NLGN1: variants seen among roughly 807,000 people sequenced by gnomAD.
NLGN1 encodes neuroligin 1.
A neutral mutation model predicts 65.5 loss-of-function variants in NLGN1; 12 were observed. The observed-to-expected ratio is 0.18, with a 90% CI of 0.12 to 0.30. The LOEUF is 0.30. Ranked by LOEUF, NLGN1 falls within the 10% of genes least tolerant of loss-of-function variation. The pLI, the probability that NLGN1 is intolerant of heterozygous loss-of-function variation, is 1.00. For synonymous variants in NLGN1, 350 were observed against 359.5 expected (o/e 0.97, Z 0.30); for missense variants, 750 against 1,007.1 (o/e 0.74, Z 3.46).
chr3:173,747,031 C>T (rs1055829725), intron 3 of NLGN1, among the ~76,000 whole-genome samples: 1 of 147,628 alleles, frequency 6.8e-6, no homozygotes, highest in African/African-American at 2.5e-5. Flanking sequence ...CAGAGCAAGA[C>T]CCTGCCTCAA....
intron 4 of NLGN1, among the ~76,000 whole-genome samples, chr3:174,265,475 G>A (rs1045711823): frequency 6.6e-6 from 1 of 151,988 alleles, no homozygotes; most frequent in East Asian, 1.9e-4. Context: ...TCTTTGACTC[G>A]GAAAGGGAAC....
At chr3:173,946,982 C>T (rs776838725) in intron 4 of NLGN1, among the ~76,000 whole-genome samples, 2 of 151,896 alleles carry the variant, frequency 1.3e-5, no homozygotes, top group Non-Finnish European at 1.5e-5. Flanking sequence ...GAATTGCCTT[C>T]ACTTGTCTGT....
chr3:173,589,905 G>A (rs1237588793), intron 2 of NLGN1, among the ~76,000 whole-genome samples: 3 of 152,104 alleles, frequency 2.0e-5, no homozygotes, highest in African/African-American at 7.2e-5. Context: ...GTCACAATGA[G>A]TACTCTCATA....
chr3:174,094,746 T>TAAAAA (rs5854552), intron 4 of NLGN1, among the ~76,000 whole-genome samples: 3 of 88,904 alleles, frequency 3.4e-5, no homozygotes, highest in South Asian at 4.6e-4. Context: ...TTGGCTCCGC[T>TAAAAA]AAAAAAAAAA....
intron 2 of NLGN1, among the ~76,000 whole-genome samples, chr3:173,451,523 A>G (rs1721522361): frequency 6.6e-6 from 1 of 152,152 alleles, no homozygotes; most frequent in South Asian, 2.1e-4. Context: ...CCACTTGAGG[A>G]GGCAGTCTGC....
intron 3 of NLGN1, among the ~76,000 whole-genome samples, chr3:173,773,161 G>A (rs113849294): frequency 6.6e-6 from 1 of 151,976 alleles, no homozygotes; most frequent in African/African-American, 2.4e-5. Context: ...TTTCCCCACT[G>A]TGCTCAAAGA....
At chr3:174,261,206 T>C (rs1420656065) in intron 4 of NLGN1, among the ~76,000 whole-genome samples, 2 of 151,866 alleles carry the variant, frequency 1.3e-5, no homozygotes, top group Non-Finnish European at 2.9e-5. Context: ...AAGTAGTTTT[T>C]TCCAATTCTG....
chr3:173,896,410 C>T (rs928836813), intron 4 of NLGN1, among the ~76,000 whole-genome samples: 4 of 152,134 alleles, frequency 2.6e-5, no homozygotes, highest in Non-Finnish European at 4.4e-5. Flanking sequence ...TCTCTCCTTT[C>T]AAATTGAGTT....
At chr3:174,138,252 G>A (rs1010330259) in intron 4 of NLGN1, among the ~76,000 whole-genome samples, 3 of 151,962 alleles carry the variant, frequency 2.0e-5, no homozygotes, top group Admixed American at 6.6e-5. Flanking sequence ...AATGTTTAAG[G>A]TCTCTTGGTA....
chr3:173,833,839 G>A (rs2150616090), intron 4 of NLGN1, among the ~76,000 whole-genome samples: 1 of 152,214 alleles, frequency 6.6e-6, no homozygotes, highest in Admixed American at 6.6e-5. Context: ...TCCTATAGGA[G>A]TTTAAAATTT....
At chr3:174,161,789 T>C (rs1319143614) in intron 4 of NLGN1, among the ~76,000 whole-genome samples, 1 of 151,896 alleles carries the variant, frequency 6.6e-6, no homozygotes, top group African/African-American at 2.4e-5. Flanking sequence ...TGATGGTAGA[T>C]TTCCTGAGAA....
At chr3:174,171,671 T>A (rs1466123928) in intron 4 of NLGN1, among the ~76,000 whole-genome samples, 2 of 152,218 alleles carry the variant, frequency 1.3e-5, no homozygotes, top group Admixed American at 1.3e-4. Context: ...ATACCAGCAC[T>A]ACAAATCATA....
chr3:174,116,133 T>C (rs1400632306), intron 4 of NLGN1, among the ~76,000 whole-genome samples: 5 of 152,040 alleles, frequency 3.3e-5, no homozygotes, highest in Non-Finnish European at 5.9e-5. Flanking sequence ...TTATAAATAC[T>C]GAAATAGACA....
intron 1 of NLGN1, among the ~76,000 whole-genome samples, chr3:173,414,652 G>C (rs1401139240): frequency 2.0e-5 from 3 of 151,394 alleles, no homozygotes; most frequent in African/African-American, 7.3e-5. Flanking sequence ...GGGATCTACA[G>C]CAATGTGTCC....
intron 4 of NLGN1, among the ~76,000 whole-genome samples, chr3:173,963,888 G>A (rs1714191932): frequency 6.6e-6 from 1 of 152,144 alleles, no homozygotes; most frequent in Non-Finnish European, 1.5e-5. Flanking sequence ...GGTAGGTGAG[G>A]AAGTGAATGA....
intron 1 of NLGN1, among the ~76,000 whole-genome samples, chr3:173,430,684 C>T (rs1717014549): frequency 6.6e-6 from 1 of 152,190 alleles, no homozygotes; most frequent in South Asian, 2.1e-4. Context: ...GAGGGATATG[C>T]CCTCATGGCT....
At chr3:173,929,380 C>G (rs1743618831) in intron 4 of NLGN1, among the ~76,000 whole-genome samples, 1 of 151,840 alleles carries the variant, frequency 6.6e-6, no homozygotes, top group South Asian at 2.1e-4. Context: ...TTGAAAATAA[C>G]CAGCTAAGTT....
At chr3:173,704,177 T>G (rs1274176996) in intron 3 of NLGN1, among the ~76,000 whole-genome samples, 5 of 152,218 alleles carry the variant, frequency 3.3e-5, no homozygotes, top group Admixed American at 3.3e-4. Context: ...AGGCATAAAC[T>G]GGGAAGACAA....
intron 4 of NLGN1, among the ~76,000 whole-genome samples, chr3:174,257,557 G>T (rs939623911): frequency 7.2e-5 from 11 of 152,006 alleles, no homozygotes; most frequent in Non-Finnish European, 1.3e-4. Context: ...GTACATATAG[G>T]CCATGGAATA....
Sources: allele counts gnomAD v4.1 joint callset (sites outside exome capture counted in the v4.1 genomes callset), GRCh38; gene constraint gnomAD v4.1.1; transcripts MANE v1.5; gene names NCBI Gene and HGNC (gene_info 2026-07-23, HGNC 2026-07-21).